Variants in CA10 observed in about 807,000 individuals in gnomAD.
CA10 encodes the protein carbonic anhydrase-related protein 10.
A neutral mutation model predicts 44.2 loss-of-function variants in CA10; 14 were observed. The ratio of observed to expected loss-of-function variants is 0.32; its 90% confidence interval spans 0.21 to 0.50. CA10 has a LOEUF of 0.50. CA10 is among the 20% of genes least tolerant of loss of function. The pLI is 0.99. For missense variants in CA10, 350 were observed against 409.7 expected, an observed-to-expected ratio of 0.85 and a Z score of 1.26; for synonymous variants, 159 against 141.6, an observed-to-expected ratio of 1.12 and a Z score of -0.87.
At chr17:52,047,029 G>T (rs956732261) in intron 2 of CA10, among the ~76,000 whole-genome samples, 1 of 151,880 alleles carries the variant, frequency 6.6e-6, no homozygotes, top group Admixed American at 6.6e-5. Flanking sequence ...GCAGATGAAT[G>T]TTCATAAGTT....
chr17:51,757,272 GACGCAAGA>G (rs1905101995), intron 3 of CA10, among the ~76,000 whole-genome samples: 1 of 151,994 alleles, frequency 6.6e-6, no homozygotes, highest in African/African-American at 2.4e-5. Flanking sequence ...TGGAAGCATC[GACGCAAGA>G]AAAAAAAATT....
intron 1 of CA10, among the ~76,000 whole-genome samples, chr17:52,085,764 T>G (rs553308099): frequency 7.9e-5 from 12 of 152,296 alleles, no homozygotes; most frequent in African/African-American, 2.9e-4. Flanking sequence ...TGAAGTAAAT[T>G]TAGACATTTG....
intron 3 of CA10, among the ~76,000 whole-genome samples, chr17:51,757,339 A>G (rs1157895308): frequency 6.6e-6 from 1 of 152,214 alleles, no homozygotes; most frequent in Non-Finnish European, 1.5e-5. Flanking sequence ...AGCATAGCAG[A>G]CACACAGATT....
chr17:51,891,326 A>G (rs746961057), intron 3 of CA10, among the ~76,000 whole-genome samples: 5 of 152,160 alleles, frequency 3.3e-5, no homozygotes, highest in Non-Finnish European at 7.4e-5. Context: ...AGAAAGTGCT[A>G]AGTATTAAAG....
Position 51,754,414 on chromosome 17 carries a change from T to TATATATA in CA10, c.280-6603_280-6597dup, listed in dbSNP as rs1555595796. Among the ~76,000 whole-genome samples, 158 of 62,098 alleles carry TATATATA rather than the reference T, an allele frequency of 2.5e-3. 2 individuals are homozygous for TATATATA. The highest frequency in any genetic ancestry group is 4.3e-3 in the Non-Finnish European group (136 of 31,616). 40.7% of individuals were successfully genotyped at this position (62,098 alleles called of 152,430 possible). A position where few individuals can be genotyped will look rare whatever the true frequency, so the allele number is the denominator to read the frequency against. ...TGTGTGTGTGTGATATATATATATA[T>TATATATA]ATATATATATATATATATATATATA... On this transcript the variant is annotated intron_variant, in intron 3 of 8. Transcript: ENST00000451037.
intron 3 of CA10, among the ~76,000 whole-genome samples, chr17:51,880,157 C>T (rs1980298431): frequency 6.6e-6 from 1 of 152,162 alleles, no homozygotes; most frequent in Admixed American, 6.5e-5. Flanking sequence ...GCTTTCCTTG[C>T]CTTACCTCTT....
At chr17:52,044,462 C>T (rs1310042965) in intron 2 of CA10, among the ~76,000 whole-genome samples, 1 of 151,986 alleles carries the variant, frequency 6.6e-6, no homozygotes, top group African/African-American at 2.4e-5. Flanking sequence ...TGCCACCACA[C>T]CTGACTAATT....
At chr17:51,970,599 G>A (rs976179213) in intron 2 of CA10, among the ~76,000 whole-genome samples, 9 of 152,018 alleles carry the variant, frequency 5.9e-5, no homozygotes, top group Non-Finnish European at 1.3e-4. Context: ...GGCTTATTCA[G>A]AATTATTTGA....
At chr17:51,989,185 C>T (rs767777318) in intron 2 of CA10, among the ~76,000 whole-genome samples, 7 of 149,598 alleles carry the variant, frequency 4.7e-5, no homozygotes, top group African/African-American at 9.9e-5. Flanking sequence ...TTAAGTTCAG[C>T]GGTACAAGTA....
intron 3 of CA10, among the ~76,000 whole-genome samples, chr17:51,816,494 C>T (rs887555989): frequency 1.3e-5 from 2 of 152,176 alleles, no homozygotes; most frequent in Admixed American, 6.5e-5. Flanking sequence ...AACCTCCAAA[C>T]TGCTTTCCAT....
intron 5 of CA10, among the ~76,000 whole-genome samples, chr17:51,649,885 A>AAAAC (rs945642516): frequency 4.0e-5 from 6 of 151,786 alleles, no homozygotes; most frequent in South Asian, 2.1e-4. Flanking sequence ...ATGGAAAAAA[A>AAAAC]AAAAAACTGA....
intron 3 of CA10, among the ~76,000 whole-genome samples, chr17:51,894,865 G>A (rs1184375026): frequency 6.6e-6 from 1 of 152,056 alleles, no homozygotes; most frequent in Non-Finnish European, 1.5e-5. Context: ...TACAGATGGA[G>A]GGTATGATGT....
rs2143911490 is a variant in CA10, at chr17:51,891,921, C to T, written c.279+39069G>A. Among the ~76,000 whole-genome samples the T allele has an allele frequency of 2.0e-5, 3 of 152,306 alleles. 1 individual carries two copies. The South Asian group carries it at 6.2e-4, about 32-fold the overall frequency. Reference sequence around the variant, plus strand: ...TCTCACCGGTGAGGAATGTATCATGCCATCCCTACCTACATGGGGGGCTGA... The same window carrying T: ...TCTCACCGGTGAGGAATGTATCATGTCATCCCTACCTACATGGGGGGCTGA... On this transcript the variant is annotated intron_variant, in intron 3 of 8. Transcript: ENST00000451037.
In CA10 at chr17:51,766,895, T is replaced by A. The variant is rs536857606; in HGVS notation, c.280-19077A>T. On this transcript the variant is annotated intron_variant, in intron 3 of 8. Transcript: ENST00000451037. ...GAAGTGGATTGTGCTAAGTTCAACA[T>A]CCTGCCAGAGGTCCTCGATAGGCAA... Among the ~76,000 whole-genome samples, 5 of 152,302 alleles carry A rather than the reference T, an allele frequency of 3.3e-5. No individual in the cohort carries two copies. The South Asian group carries it at 8.3e-4, about 25-fold the overall frequency.
intron 3 of CA10, among the ~76,000 whole-genome samples, chr17:51,820,416 C>CGG (rs1491263200): frequency 4.3e-5 from 4 of 92,866 alleles, no homozygotes; most frequent in African/African-American, 1.6e-4. Flanking sequence ...CCCCCCCCCC[C>CGG]CCGCCCGCCG....
At chr17:51,779,808 G>A (rs1450713831) in intron 3 of CA10, among the ~76,000 whole-genome samples, 1 of 152,164 alleles carries the variant, frequency 6.6e-6, no homozygotes, top group Non-Finnish European at 1.5e-5. Context: ...AGTAATTCAT[G>A]TGCCTCTTGT....
At chr17:51,822,581 T>C (rs1907855896) in intron 3 of CA10, among the ~76,000 whole-genome samples, 1 of 152,230 alleles carries the variant, frequency 6.6e-6, no homozygotes, top group Admixed American at 6.5e-5. Flanking sequence ...TTTACTGTCC[T>C]TCACTCCATT....
intron 4 of CA10, among the ~76,000 whole-genome samples, chr17:51,742,903 A>G (rs1272501025): frequency 6.6e-6 from 1 of 152,192 alleles, no homozygotes; most frequent in Non-Finnish European, 1.5e-5. Flanking sequence ...GCTTAATGCT[A>G]TCTAGTGAGA....
intron 2 of CA10, among the ~76,000 whole-genome samples, chr17:52,021,835 C>G (rs1394645629): frequency 2.0e-5 from 3 of 151,988 alleles, no homozygotes; most frequent in Non-Finnish European, 4.4e-5. Flanking sequence ...AATGCACAAC[C>G]TTCAAATATT....
Sources: allele counts gnomAD v4.1 joint callset (sites outside exome capture counted in the v4.1 genomes callset), GRCh38; gene constraint gnomAD v4.1.1; transcripts MANE v1.5; gene names NCBI Gene and HGNC (gene_info 2026-07-23, HGNC 2026-07-21).